The following C12orf56 variants were observed in gnomAD, a reference collection of about 807,000 sequenced individuals.
C12orf56 encodes uncharacterized protein C12orf56.
A neutral mutation model predicts 69.9 loss-of-function variants in C12orf56; 71 were observed. The observed-to-expected ratio is 1.02, with a 90% CI of 0.84 to 1.24. The LOEUF (loss-of-function observed/expected upper bound fraction) is 1.24. Among genes scored for constraint, C12orf56 ranks in the 50% most tolerant of loss-of-function variants. The pLI is 0.00. For synonymous variants in C12orf56, 276 were observed against 274.1 expected (o/e 1.01, Z -0.07); for missense variants, 732 against 738.5 (o/e 0.99, Z 0.10).
chr12:64,270,553 G>A lies in C12orf56; in HGVS notation c.1746C>T (p.Asn582=). The A allele has an allele frequency of 1.3e-6, 2 of 1,584,830 alleles. No individual in the cohort carries two copies. The highest frequency in any genetic ancestry group is 1.7e-6 in the Non-Finnish European group (2 of 1,169,378). ...SRTLAEYIRN[N]YREEFRYFIH... ...TTTCTTACCTGAATTCTTCTCTGTA[G>A]TTATTCCTAATATACTCAGCTAGAG... The change falls in exon 12 of 13, where the codon AAC becomes AAT. Residue 582 remains asparagine (N), a synonymous_variant. Transcript: ENST00000543942.
At chr12:64,310,040 A>G (rs1354671374) in intron 5 of C12orf56, among the ~76,000 whole-genome samples, 3 of 151,708 alleles carry the variant, frequency 2.0e-5, no homozygotes, top group African/African-American at 7.3e-5. Context: ...TTCTTTTAGA[A>G]ATGGTCTCTC....
Position 64,302,046 on chromosome 12 carries a change from G to A in C12orf56, c.1113+1589C>T, listed in dbSNP as rs2038453114. Among the ~76,000 whole-genome samples, 2 of 152,212 alleles carry A rather than the reference G, an allele frequency of 1.3e-5. 1 individual carries two copies. The highest frequency in any genetic ancestry group is 2.9e-5 in the Non-Finnish European group (2 of 68,036). On this transcript the variant is annotated intron_variant, in intron 6 of 12. Transcript: ENST00000543942. ...CAGGGTTGTAGATTAAATTGATACT[G>A]TGTGTGGGGTGGACTGGAGAGGTTT...
chr12:64,292,943 C>G (rs1396223849), intron 6 of C12orf56, among the ~76,000 whole-genome samples: 1 of 146,282 alleles, frequency 6.8e-6, no homozygotes, highest in Non-Finnish European at 1.5e-5. Context: ...GGGCGCCCCT[C>G]CCCCAGCCTC....
At chr12:64,293,974 A>T (rs1317283636) in intron 6 of C12orf56, among the ~76,000 whole-genome samples, 2 of 152,116 alleles carry the variant, frequency 1.3e-5, no homozygotes, top group African/African-American at 2.4e-5. Flanking sequence ...ATTTGTCAAG[A>T]CTCTTCAAAC....
chr12:64,357,381 T>C (rs2039331888), intron 1 of C12orf56, among the ~76,000 whole-genome samples: 1 of 151,984 alleles, frequency 6.6e-6, no homozygotes, highest in African/African-American at 2.4e-5. Context: ...AACTGAAATA[T>C]GTGTTAGCAA....
Position 64,348,453 on chromosome 12 carries a change from ATAACT to A in C12orf56, c.415+4436_415+4440del, listed in dbSNP as rs554950992. Among the ~76,000 whole-genome samples the A allele has an allele frequency of 3.5e-4, 53 of 152,348 alleles. No individual in the cohort carries two copies. In the South Asian group the frequency reaches 7.7e-3, roughly 22 times the overall value. On this transcript the variant is annotated intron_variant, in intron 2 of 12. Transcript: ENST00000543942. ...CCAAGTCATCATTTTGGCAAAATAA[ATAACT>A]TAAGGTAATCTGGTATTCTATTTCA...
intron 1 of C12orf56, among the ~76,000 whole-genome samples, chr12:64,370,985 G>A (rs1434787556): frequency 6.6e-6 from 1 of 152,112 alleles, no homozygotes; most frequent in East Asian, 1.9e-4. Context: ...GGGCCATAGA[G>A]TGAGACCCCA....
intron 7 of C12orf56, 69 bp downstream of exon 7, chr12:64,285,885 G>T: frequency 2.1e-6 from 2 of 930,440 alleles, no homozygotes; most frequent in East Asian, 5.3e-5. Context: ...ATTTTGTCCA[G>T]TGTCTTCCAT....
At chr12:64,283,471 C>A (rs2038157973) in intron 8 of C12orf56, among the ~76,000 whole-genome samples, 1 of 152,186 alleles carries the variant, frequency 6.6e-6, no homozygotes, top group Non-Finnish European at 1.5e-5. Context: ...TAACAGATGT[C>A]CCCATTACCA....
intron 2 of C12orf56, chr12:64,338,086 C>T (rs2039020332): frequency 2.3e-6 from 1 of 440,594 alleles, no homozygotes; most frequent in South Asian, 2.0e-5. Context: ...AAAGAGGAAG[C>T]TACAGAGACA....
intron 1 of C12orf56, among the ~76,000 whole-genome samples, chr12:64,365,074 T>C (rs2039446502): frequency 6.6e-6 from 1 of 152,008 alleles, no homozygotes; most frequent in African/African-American, 2.4e-5. Flanking sequence ...TAACATTCAT[T>C]GAACACTCAT....
chr12:64,274,908 G>C lies in C12orf56; in HGVS notation c.1577C>G (p.Pro526Arg), dbSNP rs755115419. The change falls in exon 11 of 13, where the codon CCT becomes CGT. Residue 526 changes from proline (P) to arginine (R), a missense_variant. Physicochemically the swap from Pro to Arg is moderately radical, Grantham distance 103 (BLOSUM62 -2). Coordinates refer to ENST00000543942, the MANE Select transcript of C12orf56 (RefSeq NM_001170633.2). The stretch of plus-strand genomic sequence containing the variant: ...TGACTTCTAGATACTTACGATGGGA[G>C]GACAGCTTTGTAGAAAGGACATTAT... ...SWIMSFLQSC[P>R]PIITFVASIV... 6.2e-7 allele frequency: 1 copy of C among 1,608,406 alleles called. No individual in the cohort carries two copies. Among genetic ancestry groups the C allele is most frequent in the African/African-American group, 1.3e-5 (1 of 74,792 alleles).
intron 1 of C12orf56, among the ~76,000 whole-genome samples, chr12:64,354,274 G>T (rs774484302): frequency 1.3e-5 from 2 of 152,164 alleles, no homozygotes; most frequent in Admixed American, 6.5e-5. Context: ...AATAACATTT[G>T]ATTGAAAAGC....
chr12:64,386,384 T>TATA (rs2039789463), intron 1 of C12orf56, among the ~76,000 whole-genome samples: 1 of 104,104 alleles, frequency 9.6e-6, no homozygotes, highest in African/African-American at 3.8e-5. Flanking sequence ...TGGCTAATTT[T>TATA]TATATATATA....
chr12:64,377,434 C>A (rs1202552685), intron 1 of C12orf56, among the ~76,000 whole-genome samples: 1 of 152,102 alleles, frequency 6.6e-6, no homozygotes, highest in African/African-American at 2.4e-5. Context: ...AGTGATCTGC[C>A]CACCTCAGTC....
At chr12:64,335,676 A>C (rs2038987680) in intron 2 of C12orf56, among the ~76,000 whole-genome samples, 1 of 152,184 alleles carries the variant, frequency 6.6e-6, no homozygotes, top group Non-Finnish European at 1.5e-5. Context: ...CCCATGTAAG[A>C]ACATATGTAT....
At chr12:64,388,332 GAACTCCTT>G (rs2039821333) in intron 1 of C12orf56, among the ~76,000 whole-genome samples, 1 of 152,006 alleles carries the variant, frequency 6.6e-6, no homozygotes, top group Admixed American at 6.6e-5. Context: ...CTGCAGCCTC[GAACTCCTT>G]AACTCAAAGT....
At chr12:64,379,942 A>C (rs1271668779) in intron 1 of C12orf56, among the ~76,000 whole-genome samples, 1 of 36,470 alleles carries the variant, frequency 2.7e-5, no homozygotes, top group Non-Finnish European at 1.4e-4. Context: ...AAAAAAAAAA[A>C]AAAAAAAAAG....
chr12:64,338,658 C>A, intron 2 of C12orf56: 1 of 1,585,678 alleles, frequency 6.3e-7, no homozygotes, highest in Non-Finnish European at 8.7e-7. Context: ...TGGGTTTGCA[C>A]AAACTGACCT....
Sources: allele counts gnomAD v4.1 joint callset (sites outside exome capture counted in the v4.1 genomes callset), GRCh38; gene constraint gnomAD v4.1.1; transcripts MANE v1.5; gene names NCBI Gene and HGNC (gene_info 2026-07-23, HGNC 2026-07-21).